DEAF1: variants seen among roughly 807,000 people sequenced by gnomAD.
DEAF1 encodes deformed epidermal autoregulatory factor 1 homolog.
Under a neutral mutation model 58.9 loss-of-function variants are expected in DEAF1, and 53 were observed. The ratio of observed to expected loss-of-function variants is 0.90; its 90% CI spans 0.72 to 1.13. DEAF1 has a LOEUF of 1.13. DEAF1 is among the 50% of genes most tolerant of loss of function. The probability of loss-of-function intolerance (pLI) is 0.00; values close to 1 mark genes in which losing one functional copy is unlikely to be tolerated. For missense variants in DEAF1, 685 were observed against 791.4 expected (o/e 0.87, Z 1.61); for synonymous variants, 385 against 340.4 (o/e 1.13, Z -1.44).
Position 644,772 on chromosome 11 carries a change from A to G in DEAF1, c.1594-118T>C, listed in dbSNP as rs1269612304. On this transcript the variant is annotated intron_variant, in intron 11 of 11. Coordinates refer to ENST00000382409, the MANE Select transcript of DEAF1 (RefSeq NM_021008.4). This position sits in a 1 kb window ranked among gnomAD's most constrained non-coding sequence, Gnocchi z 4.3. The stretch of plus-strand genomic sequence containing the variant: ...TCTGTAACCTCACCTGGAGGTGCTG[A>G]GAATGCCCTCCCCAGCCCCCGTGCG... The G allele has an allele frequency of 5.0e-6, 4 of 793,804 alleles. No homozygotes were observed. Among genetic ancestry groups the G allele is most frequent in the Non-Finnish European group, 8.5e-6 (4 of 470,502 alleles). 49.2% of individuals were successfully genotyped at this position (793,804 alleles called of 1,614,324 possible). A position where few individuals can be genotyped will look rare whatever the true frequency, so the allele number is the denominator to read the frequency against.
At chr11:692,717 T>C (rs1473801634) in intron 1 of DEAF1, among the ~76,000 whole-genome samples, 1 of 152,132 alleles carries the variant, frequency 6.6e-6, no homozygotes, top group Non-Finnish European at 1.5e-5. Flanking sequence ...CCGGGCGTGG[T>C]GGCACATGCC....
intron 6 of DEAF1, among the ~76,000 whole-genome samples, chr11:682,607 C>T (rs1860423019): frequency 6.6e-6 from 1 of 152,172 alleles, no homozygotes; most frequent in Non-Finnish European, 1.5e-5. Context: ...TACTATAGAC[C>T]TAGAGGCAGG....
At chr11:664,466 T>C (rs56365634) in intron 10 of DEAF1, among the ~76,000 whole-genome samples, 1 of 132,036 alleles carries the variant, frequency 7.6e-6, no homozygotes. Context: ...TCACTCTGAG[T>C]CCTGGCTCAG....
intron 6 of DEAF1, among the ~76,000 whole-genome samples, chr11:681,513 C>T (rs1843426653): frequency 6.6e-6 from 1 of 151,542 alleles, no homozygotes; most frequent in Admixed American, 6.6e-5. Flanking sequence ...CGGGTTCATG[C>T]CATTCTCCTG....
intron 8 of DEAF1, 95 bp downstream of exon 8, chr11:679,593 C>A: frequency 6.3e-7 from 1 of 1,583,688 alleles, no homozygotes; most frequent in Non-Finnish European, 8.6e-7. Flanking sequence ...CTCGAGGCAC[C>A]CAGCAGCCTA....
intron 1 of DEAF1, among the ~76,000 whole-genome samples, chr11:701,705 G>A (rs535833221): frequency 2.0e-5 from 3 of 152,186 alleles, no homozygotes; most frequent in East Asian, 1.9e-4. Context: ...CACCGCGCCC[G>A]GCCGGAGACA....
intron 2 of DEAF1, among the ~76,000 whole-genome samples, chr11:689,063 G>C (rs1411926524): frequency 6.6e-6 from 1 of 152,164 alleles, no homozygotes; most frequent in African/African-American, 2.4e-5. Flanking sequence ...TGCAGGCTCT[G>C]TTCACCCCAC....
chr11:688,095 C>T lies in DEAF1; in HGVS notation c.518-38G>A. ...AAGTGTTTGAAGGTGAGAGGCCGGA[C>T]ACCGGGAAGCATAGTACACTCTCAT... On this transcript the variant is annotated intron_variant, in intron 3 of 11. Transcript: ENST00000382409. The surrounding 1 kb of genome is among the most constrained non-coding windows in gnomAD (Gnocchi z 4.3). 1 of 1,612,892 alleles carries T rather than the reference C, an allele frequency of 6.2e-7. No homozygotes were observed. Among genetic ancestry groups the T allele is most frequent in the Non-Finnish European group, 8.5e-7 (1 of 1,179,566 alleles).
At chr11:648,744 T>G (rs540267543) in intron 11 of DEAF1, among the ~76,000 whole-genome samples, 1 of 152,170 alleles carries the variant, frequency 6.6e-6, no homozygotes, top group Non-Finnish European at 1.5e-5. Flanking sequence ...TAAATTAAAA[T>G]GTATATTGTA....
chr11:702,225 C>G (rs533394898), intron 1 of DEAF1, among the ~76,000 whole-genome samples: 1 of 152,244 alleles, frequency 6.6e-6, no homozygotes, highest in South Asian at 2.1e-4. Context: ...GAGGGGTGCC[C>G]GGCCGTCAGT....
rs780147004 is a variant in DEAF1 at position 691,602 on chromosome 11, C to T, written c.290-4G>A. Reference sequence around the variant, plus strand: ...GCCACTGTCACTGTGGTCACCTCTGCAACAGAAGGAGCCTCATTTAACAAG... The same window carrying T: ...GCCACTGTCACTGTGGTCACCTCTGTAACAGAAGGAGCCTCATTTAACAAG... On this transcript the variant is annotated splice_polypyrimidine_tract_variant and splice_region_variant and intron_variant, in intron 1 of 11. Coordinates refer to ENST00000382409, the MANE Select transcript of DEAF1 (RefSeq NM_021008.4). 1.7e-5 allele frequency: 27 copies of T among 1,612,916 alleles called. No individual in the cohort carries two copies. The Middle Eastern group carries it at 4.9e-4, about 29-fold the overall frequency.
Position 678,707 on chromosome 11 carries a change from T to C in DEAF1, c.1242A>G (p.Ser414=), listed in dbSNP as rs1031046120. Residue 414 remains serine, a synonymous_variant, in exon 9 of 12, where the codon TCA becomes TCG. Transcript: ENST00000382409. The part of the protein sequence containing the change: ...APFPEAALPT[S]HPKIVLTSLP... ...TTTCAAACCTACCTATTTTGGGATG[T>C]GACGTTGGCAACGCAGCTTCTGGAA... 19 of 1,614,038 alleles carry C rather than the reference T, an allele frequency of 1.2e-5. No homozygotes were observed. The highest frequency in any genetic ancestry group is 1.6e-5 in the Non-Finnish European group (19 of 1,180,012).
chr11:687,352 C>T (rs1564950002), intron 4 of DEAF1, among the ~76,000 whole-genome samples: 2 of 152,144 alleles, frequency 1.3e-5, no homozygotes, highest in African/African-American at 2.4e-5. Context: ...TGCTTCTTCT[C>T]GCTTGTCTCC....
intron 11 of DEAF1, among the ~76,000 whole-genome samples, chr11:649,681 G>A (rs960262799): frequency 6.6e-6 from 1 of 151,602 alleles, no homozygotes; most frequent in Non-Finnish European, 1.5e-5. Flanking sequence ...GATTACGCCA[G>A]TGCACTCCAG....
intron 10 of DEAF1, among the ~76,000 whole-genome samples, chr11:665,105 A>T (rs1859459873): frequency 7.8e-6 from 1 of 128,234 alleles, no homozygotes; most frequent in African/African-American, 2.9e-5. Context: ...AGCTATTCAC[A>T]CCGAGAGGAG....
intron 5 of DEAF1, among the ~76,000 whole-genome samples, chr11:685,524 G>A (rs1270052926): frequency 2.0e-5 from 3 of 151,274 alleles, no homozygotes; most frequent in African/African-American, 7.3e-5. Context: ...GTGAAACCTC[G>A]TGTCTGCTAA....
chr11:655,500 C>T (rs1192074198), intron 10 of DEAF1, among the ~76,000 whole-genome samples: 3 of 151,978 alleles, frequency 2.0e-5, no homozygotes, highest in Admixed American at 6.6e-5. Flanking sequence ...GAGGCCTTGG[C>T]GCCGCGACCT....
chr11:683,544 A>G (rs1439277105), intron 6 of DEAF1, among the ~76,000 whole-genome samples: 1 of 150,716 alleles, frequency 6.6e-6, no homozygotes, highest in Non-Finnish European at 1.5e-5. Context: ...GATTCCACCC[A>G]TTTTAAACTT....
At chr11:675,434 C>T (rs1477622361) in intron 9 of DEAF1, among the ~76,000 whole-genome samples, 1 of 152,116 alleles carries the variant, frequency 6.6e-6, no homozygotes, top group African/African-American at 2.4e-5. Flanking sequence ...GAAGCTGAGG[C>T]GGGAGGATGG....
Sources: allele counts gnomAD v4.1 joint callset (sites outside exome capture counted in the v4.1 genomes callset), GRCh38; gene constraint gnomAD v4.1.1; non-coding constraint Gnocchi (gnomAD v3.1); transcripts MANE v1.5; gene names NCBI Gene and HGNC (gene_info 2026-07-23, HGNC 2026-07-21).